Variants in KSR1 observed in about 807,000 individuals in gnomAD.
KSR1 encodes the protein kinase suppressor of ras.
KSR1 carries 35 observed loss-of-function variants against 92.9 expected under a neutral mutation model. That is an observed-to-expected ratio of 0.38 (90% CI 0.29 to 0.50). The LOEUF (loss-of-function observed/expected upper bound fraction) is 0.50, where lower values mean the gene tolerates loss of function less well. Ranked by LOEUF, KSR1 falls within the 20% of genes least tolerant of loss-of-function variation. The pLI, the probability that KSR1 is intolerant of heterozygous loss-of-function variation, is 0.94. For synonymous variants in KSR1, 467 were observed against 472.6 expected, an observed-to-expected ratio of 0.99 and a Z score of 0.15; for missense variants, 972 against 1,158.5, an observed-to-expected ratio of 0.84 and a Z score of 2.34.
chr17:27,494,867 C>T (rs1415473198), intron 1 of KSR1, among the ~76,000 whole-genome samples: 2 of 152,214 alleles, frequency 1.3e-5, no homozygotes, highest in African/African-American at 4.8e-5. Context: ...TCAGTGTGGC[C>T]TGCTGGGTGG....
chr17:27,557,131 G>T (rs1011060576), intron 2 of KSR1, among the ~76,000 whole-genome samples: 7 of 152,158 alleles, frequency 4.6e-5, no homozygotes, highest in African/African-American at 1.7e-4. Context: ...CAGGGGGTGG[G>T]GATAGGTCCT....
At chr17:27,553,352 A>G (rs1030343993) in intron 2 of KSR1, among the ~76,000 whole-genome samples, 3 of 152,220 alleles carry the variant, frequency 2.0e-5, no homozygotes, top group African/African-American at 7.2e-5. Flanking sequence ...TGGGGAGTGA[A>G]GGAAGGCTGG....
At chr17:27,465,768 T>A (rs953486221) in intron 1 of KSR1, among the ~76,000 whole-genome samples, 3 of 152,078 alleles carry the variant, frequency 2.0e-5, no homozygotes, top group African/African-American at 7.2e-5. Flanking sequence ...CCTTGAGGGG[T>A]TGAGTCCCAA....
intron 1 of KSR1, among the ~76,000 whole-genome samples, chr17:27,527,747 A>G (rs1428275983): frequency 6.6e-6 from 1 of 152,156 alleles, no homozygotes; most frequent in East Asian, 1.9e-4. Flanking sequence ...GAAAAACAAT[A>G]ATATCTTGGG....
intron 1 of KSR1, among the ~76,000 whole-genome samples, chr17:27,493,612 C>T (rs2068891055): frequency 2.0e-5 from 3 of 152,148 alleles, no homozygotes; most frequent in Non-Finnish European, 4.4e-5. Context: ...TTAATCTGCC[C>T]TTTTAACAAT....
intron 1 of KSR1, among the ~76,000 whole-genome samples, chr17:27,490,061 C>T (rs1335078522): frequency 1.3e-5 from 2 of 152,172 alleles, no homozygotes; most frequent in African/African-American, 2.4e-5. Flanking sequence ...GGTAAGGTGT[C>T]GGGCAAGTGT....
At chr17:27,478,615 C>T (rs1223025246) in intron 1 of KSR1, among the ~76,000 whole-genome samples, 1 of 152,142 alleles carries the variant, frequency 6.6e-6, no homozygotes, top group Non-Finnish European at 1.5e-5. Context: ...GGTTCCCATC[C>T]TGTCTGTGGC....
chr17:27,483,111 T>TA (rs1453252655), intron 1 of KSR1, among the ~76,000 whole-genome samples: 2 of 152,100 alleles, frequency 1.3e-5, no homozygotes, highest in African/African-American at 2.4e-5. Flanking sequence ...AGTCTACAGG[T>TA]AAAAAAATAG....
At chr17:27,526,647 C>T (rs1446924164) in intron 1 of KSR1, 1 of 1,563,566 alleles carries the variant, frequency 6.4e-7, no homozygotes, top group Non-Finnish European at 8.8e-7. Flanking sequence ...AAAGCACCTT[C>T]CTGAGAGATT....
intron 2 of KSR1, among the ~76,000 whole-genome samples, chr17:27,554,385 A>G (rs9890876): frequency 6.6e-6 from 1 of 152,206 alleles, no homozygotes; most frequent in Non-Finnish European, 1.5e-5. Flanking sequence ...CCTCTTAGGA[A>G]CTGGGCCACA....
intron 10 of KSR1, among the ~76,000 whole-genome samples, chr17:27,599,571 A>C (rs1199185415): frequency 2.0e-5 from 3 of 152,216 alleles, no homozygotes; most frequent in Admixed American, 6.5e-5. Flanking sequence ...TCAGTCAATC[A>C]GTCAATTGTT....
At position 27,621,221 on chromosome 17, in the gene KSR1, G is replaced by A. The variant is rs1185301633; in HGVS notation, c.2656G>A (p.Gly886Arg). The A allele has an allele frequency of 2.5e-6, 1 of 398,546 alleles. No homozygotes were observed. Among genetic ancestry groups the A allele is most frequent in the Non-Finnish European group, 4.4e-6 (1 of 226,118 alleles). The allele number at this position is 398,546 out of a possible 1,614,324, so 24.7% of individuals were successfully genotyped here. A position where few individuals can be genotyped will look rare whatever the true frequency, so the allele number is the denominator to read the frequency against. Residue 886 changes from glycine to arginine, a missense_variant, in exon 20 of 21, where the codon GGA becomes AGA. Coordinates refer to ENST00000644974, the MANE Select transcript of KSR1 (RefSeq NM_001394583.1). ...DRWRSRYYGK[G>R]RYGHPDFKSS... ...CTGGAGGAGCCGCTACTATGGAAAA[G>A]GACGCTACGGCCACCCTGACTTTAA...
At position 27,550,714 on chromosome 17, in the gene KSR1, C is replaced by A. The variant is rs758139547; in HGVS notation, c.372+6C>A. 2 of 762,138 alleles carry A rather than the reference C, an allele frequency of 2.6e-6. No individual in the cohort carries two copies. Among genetic ancestry groups the A allele is most frequent in the Non-Finnish European group, 4.8e-6 (2 of 416,896 alleles). 47.2% of individuals were successfully genotyped at this position (762,138 alleles called of 1,614,324 possible). A position where few individuals can be genotyped will look rare whatever the true frequency, so the allele number is the denominator to read the frequency against. Reference sequence around the variant, plus strand: ...TGAGGCCGGAGGTGGTGCAGGTATGCAAGCTGGTTCTCAGCATAGGGATAG... The same window carrying A: ...TGAGGCCGGAGGTGGTGCAGGTATGAAAGCTGGTTCTCAGCATAGGGATAG... On this transcript the variant is annotated splice_donor_region_variant and intron_variant, in intron 2 of 20. Transcript: ENST00000644974.
At chr17:27,597,192 G>A (rs2073371195) in intron 9 of KSR1, 76 bp from the exon 10 acceptor site, 3 of 1,462,388 alleles carry the variant, frequency 2.1e-6, no homozygotes, top group East Asian at 4.9e-5. Flanking sequence ...TCCAGATGGG[G>A]AAGGGAGGGT....
chr17:27,462,909 T>A (rs977696557), intron 1 of KSR1, among the ~76,000 whole-genome samples: 1 of 152,234 alleles, frequency 6.6e-6, no homozygotes, highest in African/African-American at 2.4e-5. Flanking sequence ...TATCAGCACA[T>A]ATACATATGC....
chr17:27,594,341 G>A (rs1190647854), intron 9 of KSR1, among the ~76,000 whole-genome samples: 1 of 151,800 alleles, frequency 6.6e-6, no homozygotes, highest in African/African-American at 2.4e-5. Context: ...AGTGCCCCCT[G>A]CCCCCATTGC....
At chr17:27,470,109 G>A (rs1318597535) in intron 1 of KSR1, among the ~76,000 whole-genome samples, 1 of 151,180 alleles carries the variant, frequency 6.6e-6, no homozygotes, top group Admixed American at 6.6e-5. Flanking sequence ...AGACTAGAGT[G>A]CAGTGGTGTG....
intron 2 of KSR1, among the ~76,000 whole-genome samples, chr17:27,554,225 G>A (rs770521479): frequency 8.5e-5 from 13 of 152,198 alleles, no homozygotes; most frequent in South Asian, 2.1e-4. Context: ...GAATTTTTGC[G>A]GTCAGACCTT....
intron 1 of KSR1, among the ~76,000 whole-genome samples, chr17:27,490,068 G>C (rs2150959669): frequency 6.6e-6 from 1 of 152,238 alleles, no homozygotes; most frequent in East Asian, 1.9e-4. Context: ...TGTCGGGCAA[G>C]TGTGTGGACT....
Sources: allele counts gnomAD v4.1 joint callset (sites outside exome capture counted in the v4.1 genomes callset), GRCh38; gene constraint gnomAD v4.1.1; transcripts MANE v1.5; gene names NCBI Gene and HGNC (gene_info 2026-07-23, HGNC 2026-07-21).